The following STK35 variants were observed in gnomAD, a reference collection of about 807,000 sequenced individuals.
STK35 encodes serine/threonine kinase 35.
In STK35, 17 loss-of-function variants were observed where a neutral mutation model predicts 37.3. The observed-to-expected ratio is 0.46, with a 90% CI of 0.31 to 0.68. The LOEUF (loss-of-function observed/expected upper bound fraction) is 0.68, where lower values mean the gene tolerates loss of function less well. STK35 is among the 30% of genes least tolerant of loss of function. The pLI, the probability that STK35 is intolerant of heterozygous loss-of-function variation, is 0.05. For synonymous variants in STK35, 385 were observed against 319.1 expected (o/e 1.21, Z -2.20); for missense variants, 595 against 746.7 (o/e 0.80, Z 2.37).
At chr20:2,110,065 C>CA (rs1321504524) in intron 2 of STK35, among the ~76,000 whole-genome samples, 3 of 152,240 alleles carry the variant, frequency 2.0e-5, no homozygotes, top group Non-Finnish European at 4.4e-5. Context: ...AATGACATAA[C>CA]AGCACAAAAT....
chr20:2,140,235 TC>T (rs1385865616), intron 3 of STK35, among the ~76,000 whole-genome samples: 2 of 152,188 alleles, frequency 1.3e-5, no homozygotes, highest in Non-Finnish European at 2.9e-5. Context: ...CGGGCTCTGG[TC>T]AGAGGTAGGG....
At chr20:2,134,362 A>C (rs578173266) in intron 3 of STK35, among the ~76,000 whole-genome samples, 2 of 151,852 alleles carry the variant, frequency 1.3e-5, no homozygotes, top group African/African-American at 4.8e-5. Flanking sequence ...GCTCTGGTGC[A>C]TTGAGCTGAA....
intron 2 of STK35, among the ~76,000 whole-genome samples, chr20:2,103,633 T>G (rs1180796463): frequency 1.3e-5 from 2 of 152,174 alleles, no homozygotes; most frequent in Non-Finnish European, 2.9e-5. Context: ...GCTCAAGAAT[T>G]GCGAGCTATG....
chr20:2,112,081 T>G (rs575307612), intron 2 of STK35, among the ~76,000 whole-genome samples: 15 of 152,348 alleles, frequency 9.8e-5, no homozygotes, highest in African/African-American at 3.6e-4. Flanking sequence ...TCAAGAGCAA[T>G]GTGTGCTCAG....
rs979684106 is a variant in STK35 at position 2,144,872 on chromosome 20, C to T, written c.*1126C>T. 1.3e-5 allele frequency: 2 copies of T among 152,900 alleles called. No homozygotes were observed. Among genetic ancestry groups the T allele is most frequent in the Admixed American group, 1.3e-4 (2 of 15,288 alleles). The allele number at this position is 152,900 out of a possible 1,614,324, so 9.5% of individuals were successfully genotyped here. A position where few individuals can be genotyped will look rare whatever the true frequency, so the allele number is the denominator to read the frequency against. On this transcript the variant is annotated 3_prime_UTR_variant, in exon 4 of 4. Coordinates refer to ENST00000381482, the MANE Select transcript of STK35 (RefSeq NM_080836.4). ...CCCTGTGTGCCGGGGTCCATGGTGT[C>T]ATATGCAGTGACACACACTGTCAAG...
At chr20:2,102,576 C>T (rs1489040559) in intron 1 of STK35, among the ~76,000 whole-genome samples, 192 bp from the exon 2 acceptor site, 1 of 152,254 alleles carries the variant, frequency 6.6e-6, no homozygotes, top group Non-Finnish European at 1.5e-5. Flanking sequence ...TTTCCGGTTC[C>T]CCCTCTGAGC....
intron 2 of STK35, among the ~76,000 whole-genome samples, chr20:2,108,948 C>T (rs1985567363): frequency 6.6e-6 from 1 of 152,184 alleles, no homozygotes; most frequent in South Asian, 2.1e-4. Context: ...TTGTCTTTAA[C>T]TTGCATATTC....
chr20:2,124,591 T>C (rs1178722314), intron 3 of STK35, among the ~76,000 whole-genome samples: 7 of 152,178 alleles, frequency 4.6e-5, no homozygotes, highest in African/African-American at 1.4e-4. Flanking sequence ...CTGAGGTTCT[T>C]TGAGTCCCTG....
intron 3 of STK35, among the ~76,000 whole-genome samples, chr20:2,124,596 T>A (rs1226707651): frequency 6.6e-6 from 1 of 152,128 alleles, no homozygotes; most frequent in Admixed American, 6.5e-5. Context: ...GTTCTTTGAG[T>A]CCCTGCCCAT....
chr20:2,101,843 C>G lies in STK35; in HGVS notation c.-39C>G. 1 of 1,323,048 alleles carries G rather than the reference C, an allele frequency of 7.6e-7. No homozygotes were observed. The highest frequency in any genetic ancestry group is 9.7e-7 in the Non-Finnish European group (1 of 1,033,300). 82.0% of individuals were successfully genotyped at this position (1,323,048 alleles called of 1,614,324 possible). A position where few individuals can be genotyped will look rare whatever the true frequency, so the allele number is the denominator to read the frequency against. ...GGCTGCTCCGTCGACCTTTGCAGGA[C>G]CGGGCGGTGCAGGGCTCACTCGGCT... On this transcript the variant is annotated 5_prime_UTR_variant, in exon 1 of 4. Coordinates refer to ENST00000381482, the MANE Select transcript of STK35 (RefSeq NM_080836.4).
At chr20:2,119,106 C>T (rs1181064759) in intron 3 of STK35, among the ~76,000 whole-genome samples, 1 of 152,210 alleles carries the variant, frequency 6.6e-6, no homozygotes, top group African/African-American at 2.4e-5. Flanking sequence ...GGGAGAGAAA[C>T]TCCAAGTTGA....
chr20:2,108,088 G>A (rs999009466), intron 2 of STK35, among the ~76,000 whole-genome samples: 1 of 152,190 alleles, frequency 6.6e-6, no homozygotes, highest in Non-Finnish European at 1.5e-5. Context: ...AGGATTCAAG[G>A]CCAGACATTC....
At chr20:2,110,535 G>A (rs779575713) in intron 2 of STK35, among the ~76,000 whole-genome samples, 2 of 152,190 alleles carry the variant, frequency 1.3e-5, no homozygotes, top group Non-Finnish European at 2.9e-5. Flanking sequence ...TACCAGTTCT[G>A]AGTGTCTCTG....
intron 3 of STK35, among the ~76,000 whole-genome samples, chr20:2,119,256 A>G (rs1985775058): frequency 6.6e-6 from 1 of 152,246 alleles, no homozygotes; most frequent in Non-Finnish European, 1.5e-5. Context: ...GTGTTGATGC[A>G]CAGAGTCAAG....
At chr20:2,107,168 T>G (rs1455672269) in intron 2 of STK35, among the ~76,000 whole-genome samples, 2 of 152,232 alleles carry the variant, frequency 1.3e-5, no homozygotes, top group African/African-American at 4.8e-5. Flanking sequence ...TTACTGCCAC[T>G]TAGACAGCAG....
Position 2,143,899 on chromosome 20 carries a change from CT to C in STK35, c.*157del, listed in dbSNP as rs1262098754. 2.2e-6 allele frequency: 1 copy of C among 448,658 alleles called. No homozygotes were observed. Among genetic ancestry groups the C allele is most frequent in the African/African-American group, 2.0e-5 (1 of 49,456 alleles). 27.8% of individuals were successfully genotyped at this position (448,658 alleles called of 1,614,324 possible). A position where few individuals can be genotyped will look rare whatever the true frequency, so the allele number is the denominator to read the frequency against. ...GACAGCTGGATCCGGCAATGTGAAG[CT>C]TTTGTTTGGGTTTCCCCGCTTCTTT... On this transcript the variant is annotated 3_prime_UTR_variant, in exon 4 of 4. Transcript: ENST00000381482.
chr20:2,111,011 G>A (rs1316006297), intron 2 of STK35, among the ~76,000 whole-genome samples: 1 of 152,174 alleles, frequency 6.6e-6, no homozygotes, highest in Non-Finnish European at 1.5e-5. Flanking sequence ...TAGCAGTTTC[G>A]AGTAACCAGA....
At chr20:2,133,920 C>G (rs1986040712) in intron 3 of STK35, among the ~76,000 whole-genome samples, 1 of 152,182 alleles carries the variant, frequency 6.6e-6, no homozygotes. Flanking sequence ...CGGCTTTAAG[C>G]TTTGTTCAGA....
At chr20:2,120,738 G>A (rs1045947196) in intron 3 of STK35, among the ~76,000 whole-genome samples, 2 of 152,156 alleles carry the variant, frequency 1.3e-5, no homozygotes, top group Admixed American at 1.3e-4. Flanking sequence ...ATAATACATC[G>A]GTGAACAAAA....
Sources: allele counts gnomAD v4.1 joint callset (sites outside exome capture counted in the v4.1 genomes callset), GRCh38; gene constraint gnomAD v4.1.1; transcripts MANE v1.5; gene names NCBI Gene and HGNC (gene_info 2026-07-23, HGNC 2026-07-21).